CHD6: variants seen among roughly 807,000 people sequenced by gnomAD.
The protein encoded by CHD6 is chromodomain helicase DNA binding protein 6, also known as ATP-dependent chromatin remodeler CHD6.
In CHD6, 50 loss-of-function variants were observed where a neutral mutation model predicts 276.9. That is an observed-to-expected ratio of 0.18 (90% confidence interval 0.14 to 0.23). The LOEUF (loss-of-function observed/expected upper bound fraction) is 0.23. Ranked by LOEUF, CHD6 falls within the 10% of genes least tolerant of loss-of-function variation. The pLI is 1.00. For synonymous variants in CHD6, 1,173 were observed against 1,229.3 expected (o/e 0.95, Z 0.96); for missense variants, 2,564 against 3,365.8 (o/e 0.76, Z 5.89).
In CHD6 at chr20:41,483,355, T is replaced by G. The variant is rs1441007921; in HGVS notation, c.2422A>C (p.Met808Leu). The change falls in exon 16 of 37, where the codon ATG becomes CTG. Residue 808 changes from methionine to leucine, a missense_variant. This residue lies in a region of CHD6 where 457 missense variants were observed against 889.0 expected (regional missense o/e 0.51). Coordinates refer to ENST00000373233, the MANE Select transcript of CHD6 (RefSeq NM_032221.5). ...GGHKVLIFSQ[M>L]VRCLDILEDY... ...TCTAGGATGTCGAGGCAGCGCACCA[T>G]CTGGGAGAAGATGAGTACTTTGTGG... is the stretch of plus-strand genomic sequence containing the variant. 1.2e-6 allele frequency: 2 copies of G among 1,613,804 alleles called. No individual in the cohort carries two copies. The highest frequency in any genetic ancestry group is 1.7e-6 in the Non-Finnish European group (2 of 1,179,814).
chr20:41,403,545 C>T lies in CHD6; in HGVS notation c.*1048G>A, dbSNP rs1471090777. Reference sequence around the variant, plus strand: ...TTAATGGAGAAGTAACTTTTCATAGCTGTATTATAAAGGGTGGCACACATT... The same window carrying T: ...TTAATGGAGAAGTAACTTTTCATAGTTGTATTATAAAGGGTGGCACACATT... On this transcript the variant is annotated 3_prime_UTR_variant, in exon 37 of 37. Transcript: ENST00000373233. The T allele has an allele frequency of 1.9e-6, 2 of 1,063,124 alleles. No homozygotes were observed. Among genetic ancestry groups the T allele is most frequent in the Middle Eastern group, 8.4e-4 (2 of 2,392 alleles). 65.9% of individuals were successfully genotyped at this position (1,063,124 alleles called of 1,614,324 possible). A position where few individuals can be genotyped will look rare whatever the true frequency, so the allele number is the denominator to read the frequency against.
At chr20:41,442,068 G>A (rs1176014552) in intron 25 of CHD6, among the ~76,000 whole-genome samples, 1 of 152,130 alleles carries the variant, frequency 6.6e-6, no homozygotes, top group Non-Finnish European at 1.5e-5. Flanking sequence ...ATGCTAATGG[G>A]GTCAGCTTGG....
chr20:41,559,181 G>T (rs2045274644), intron 1 of CHD6, among the ~76,000 whole-genome samples: 1 of 147,790 alleles, frequency 6.8e-6, no homozygotes. Context: ...CACACACAAA[G>T]TAAACTTTGT....
intron 1 of CHD6, among the ~76,000 whole-genome samples, chr20:41,590,793 A>T (rs1321995614): frequency 1.3e-5 from 2 of 151,846 alleles, no homozygotes; most frequent in African/African-American, 4.9e-5. Context: ...ATTGCGGAAG[A>T]CAGTGTGGCG....
At chr20:41,417,795 G>A (rs1316467517) in intron 31 of CHD6, among the ~76,000 whole-genome samples, 2 of 152,174 alleles carry the variant, frequency 1.3e-5, no homozygotes, top group East Asian at 3.8e-4. Flanking sequence ...AAGTCATGAA[G>A]CTTACAACAA....
At chr20:41,485,504 T>C (rs1425014390) in intron 14 of CHD6, 1 of 152,202 alleles carries the variant, frequency 6.6e-6, no homozygotes, top group African/African-American at 2.4e-5. Context: ...CGAGATTGCT[T>C]CCTGAAGAAA....
Position 41,405,449 on chromosome 20 carries a change from T to C in CHD6, c.7292A>G (p.Glu2431Gly). Residue 2431 changes from glutamate to glycine, a missense_variant, in exon 37 of 37, where the codon GAG becomes GGG. By Grantham distance (98) the Glu-to-Gly change is moderately conservative. This residue lies in a region of CHD6 where 1,024 missense variants were observed against 1,047.9 expected (regional missense o/e 0.98). Transcript: ENST00000373233. ...GGGGCCCGTATCTCGAAGAATAGGC[T>C]CAGCCAGAGTGTGATTGAACTTGTT... The part of the protein sequence containing the change: ...PENKFNHTLA[E>G]PILRDTGPRR... 2 of 1,590,098 alleles carry C rather than the reference T, an allele frequency of 1.3e-6. No homozygotes were observed. Among genetic ancestry groups the C allele is most frequent in the Non-Finnish European group, 1.7e-6 (2 of 1,167,406 alleles).
In CHD6 at chr20:41,523,558, C is replaced by A. The variant is rs529729038; in HGVS notation, c.555-8606G>T. Among the ~76,000 whole-genome samples the A allele has an allele frequency of 2.7e-4, 41 of 152,260 alleles. 1 individual carries two copies. Among genetic ancestry groups the A allele is most frequent in the Middle Eastern group, 3.4e-3 (1 of 294 alleles). ...TAGTTATAACCATCAAAGCTTTTAT[C>A]CTGTCTTCCACATGGCTTCATCAGC... On this transcript the variant is annotated intron_variant, in intron 3 of 36. Transcript: ENST00000373233.
chr20:41,569,900 G>C (rs944169814), intron 1 of CHD6, among the ~76,000 whole-genome samples: 3 of 152,048 alleles, frequency 2.0e-5, no homozygotes, highest in Admixed American at 6.5e-5. Context: ...TTTTGGCATG[G>C]GATGGGTGTC....
At chr20:41,445,919 G>T in intron 24 of CHD6, 151 bp from the exon 25 acceptor site, 1 of 588,256 alleles carries the variant, frequency 1.7e-6, no homozygotes, top group Non-Finnish European at 3.1e-6. Context: ...CTCAACCAGG[G>T]CTTTGCATGA....
At chr20:41,457,223 CA>C in intron 18 of CHD6, 40 bp downstream of exon 18, 1 of 1,590,724 alleles carries the variant, frequency 6.3e-7, no homozygotes. Context: ...GCTGTGCGAC[CA>C]ATGTTCCTTA....
At chr20:41,551,833 C>T (rs190466510) in intron 1 of CHD6, among the ~76,000 whole-genome samples, 2 of 152,118 alleles carry the variant, frequency 1.3e-5, no homozygotes, top group Non-Finnish European at 2.9e-5. Context: ...AGGAGTGAGA[C>T]AGGATTTGGT....
At chr20:41,601,134 A>G (rs1448052705) in intron 1 of CHD6, among the ~76,000 whole-genome samples, 1 of 152,066 alleles carries the variant, frequency 6.6e-6, no homozygotes, top group African/African-American at 2.4e-5. Context: ...TCAGATGTTA[A>G]CTCTTCTGGG....
At chr20:41,513,103 C>G (rs1023124981) in intron 4 of CHD6, 108 bp from the exon 5 acceptor site, 4 of 1,206,856 alleles carry the variant, frequency 3.3e-6, no homozygotes, top group Non-Finnish European at 4.7e-6. Context: ...TGCTTTCTTG[C>G]CTTACAAAAG....
rs1337345563 is a variant in CHD6 at position 41,415,301 on chromosome 20, C to T, written c.6824G>A (p.Gly2275Glu). ...GGCTGCATCATCTCTTCTGAGGCTT[C>T]CATTGACAATCTGTCCAGTCACAGG... ...IHPVTGQIVN[G>E]SLRRDDAATR... is the part of the protein sequence containing the mutation. Residue 2275 changes from glycine (G) to glutamate (E), a missense_variant, in exon 34 of 37, where the codon GGA (glycine) becomes GAA (glutamate). Coordinates refer to ENST00000373233, the MANE Select transcript of CHD6 (RefSeq NM_032221.5). 1 of 1,614,196 alleles carries T rather than the reference C, an allele frequency of 6.2e-7. No individual in the cohort carries two copies. The highest frequency in any genetic ancestry group is 1.1e-5 in the South Asian group (1 of 91,080).
intron 1 of CHD6, among the ~76,000 whole-genome samples, chr20:41,588,879 G>A (rs375207473): frequency 6.6e-6 from 1 of 152,064 alleles, no homozygotes; most frequent in East Asian, 1.9e-4. Context: ...TGATTGGGGG[G>A]ATTCTTAAGA....
At chr20:41,523,725 A>C (rs1391035924) in intron 3 of CHD6, among the ~76,000 whole-genome samples, 1 of 151,806 alleles carries the variant, frequency 6.6e-6, no homozygotes, top group Non-Finnish European at 1.5e-5. Context: ...CTTTCTCTTC[A>C]AGCATATCTC....
rs186930999 is a variant in CHD6 at position 41,488,151 on chromosome 20, A to G, written c.1857+277T>C. ...CAGTTCATTTAGGGGCCTGGAAACC[A>G]GCCAAAACACCTTACATTTCCAAGT... is the stretch of plus-strand genomic sequence containing the variant. On this transcript the variant is annotated intron_variant, in intron 13 of 36. Transcript: ENST00000373233. Among the ~76,000 whole-genome samples, 44 of 152,346 alleles carry G rather than the reference A, an allele frequency of 2.9e-4. No homozygotes were observed. The East Asian group carries it at 5.8e-3, about 20-fold the overall frequency.
At chr20:41,518,903 G>A (rs1366836491) in intron 3 of CHD6, among the ~76,000 whole-genome samples, 1 of 152,154 alleles carries the variant, frequency 6.6e-6, no homozygotes, top group East Asian at 1.9e-4. Flanking sequence ...ATCAACTGAA[G>A]ACATTTCAAT....
Sources: allele counts gnomAD v4.1 joint callset (sites outside exome capture counted in the v4.1 genomes callset), GRCh38; gene constraint gnomAD v4.1.1; regional missense constraint gnomAD v4.1.1; transcripts MANE v1.5; gene names NCBI Gene and HGNC (gene_info 2026-07-23, HGNC 2026-07-21).